The following NR2C2 variants were observed in gnomAD, a reference collection of about 807,000 sequenced individuals.
The protein encoded by NR2C2 is nuclear receptor subfamily 2 group C member 2.
NR2C2 carries 6 observed loss-of-function variants against 62.9 expected under a neutral mutation model. That is an observed-to-expected ratio of 0.10 (90% CI 0.05 to 0.19). The LOEUF (loss-of-function observed/expected upper bound fraction) is 0.19. NR2C2 is among the 10% of genes least tolerant of loss of function. NR2C2 has a pLI of 1.00. For synonymous variants in NR2C2, 272 were observed against 273.8 expected (o/e 0.99, Z 0.07); for missense variants, 479 against 762.7 (o/e 0.63, Z 4.38).
chr3:14,988,159 C>T (rs182918582), intron 1 of NR2C2, among the ~76,000 whole-genome samples: 15 of 152,352 alleles, frequency 9.8e-5, no homozygotes, highest in Non-Finnish European at 1.6e-4. Context: ...CAGCTTGGAA[C>T]AACACCCAGA....
chr3:15,018,723 T>TA (rs1218796036), intron 4 of NR2C2, among the ~76,000 whole-genome samples: 1 of 151,994 alleles, frequency 6.6e-6, no homozygotes, highest in Non-Finnish European at 1.5e-5. Context: ...TTTTATGAGA[T>TA]ATATATTTTT....
intron 1 of NR2C2, among the ~76,000 whole-genome samples, chr3:14,999,560 G>C (rs982828749): frequency 6.6e-6 from 1 of 152,064 alleles, no homozygotes; most frequent in African/African-American, 2.4e-5. Flanking sequence ...TTTGCTTTTG[G>C]TGTCATCTAA....
chr3:15,010,968 G>A (rs1441746397), intron 2 of NR2C2, among the ~76,000 whole-genome samples: 1 of 152,180 alleles, frequency 6.6e-6, no homozygotes, highest in Non-Finnish European at 1.5e-5. Flanking sequence ...GTTTTAGTTG[G>A]TAATTGAAGA....
chr3:15,002,392 A>G (rs2041033063), intron 1 of NR2C2, among the ~76,000 whole-genome samples: 1 of 152,050 alleles, frequency 6.6e-6, no homozygotes, highest in South Asian at 2.1e-4. Context: ...TGATTTTCAT[A>G]TTTGAACAAG....
chr3:14,973,048 A>G (rs1478501465), intron 1 of NR2C2, among the ~76,000 whole-genome samples: 8 of 152,204 alleles, frequency 5.3e-5, no homozygotes, highest in Non-Finnish European at 1.2e-4. Flanking sequence ...TCACAGATAT[A>G]TGATTTGCAA....
chr3:14,969,414 TG>T (rs1179076213), intron 1 of NR2C2, among the ~76,000 whole-genome samples: 1 of 152,108 alleles, frequency 6.6e-6, no homozygotes, highest in Non-Finnish European at 1.5e-5. Context: ...AGCTAATTTT[TG>T]TACTTTTAGC....
intron 7 of NR2C2, 124 bp from the exon 8 acceptor site, chr3:15,028,462 C>T (rs115886426): frequency 3.8e-6 from 3 of 780,486 alleles, no homozygotes; most frequent in Non-Finnish European, 6.1e-6. Context: ...CCTCGTGTTG[C>T]CCCTTTGTAG....
At chr3:14,948,033 G>C (rs1012759452) in intron 1 of NR2C2, 127 bp downstream of exon 1, 2 of 152,154 alleles carry the variant, frequency 1.3e-5, no homozygotes, top group East Asian at 1.9e-4. Flanking sequence ...GGGTGGCGGC[G>C]GCGGCGCCCG....
intron 1 of NR2C2, chr3:14,948,728 G>C (rs2039236391): frequency 6.6e-6 from 1 of 152,274 alleles, no homozygotes; most frequent in South Asian, 2.1e-4. Context: ...AGTAATAAAG[G>C]TGATGAAGCA....
intron 9 of NR2C2, 48 bp from the exon 10 acceptor site, chr3:15,032,331 C>G (rs1434562385): frequency 1.2e-6 from 2 of 1,613,466 alleles, no homozygotes; most frequent in South Asian, 2.2e-5. Flanking sequence ...ACAAAGCCAT[C>G]CCCTGTCCTT....
chr3:14,996,023 C>T (rs2040823759), intron 1 of NR2C2, among the ~76,000 whole-genome samples: 1 of 151,974 alleles, frequency 6.6e-6, no homozygotes, highest in Non-Finnish European at 1.5e-5. Flanking sequence ...TGGTTTTTGT[C>T]TTCTTTTCAT....
chr3:14,978,538 G>A (rs1043266248), intron 1 of NR2C2, among the ~76,000 whole-genome samples: 1 of 152,124 alleles, frequency 6.6e-6, no homozygotes, highest in East Asian at 1.9e-4. Context: ...AGGACTGTTC[G>A]TCCATAGGTT....
chr3:14,969,418 CT>C (rs889662666), intron 1 of NR2C2, among the ~76,000 whole-genome samples: 27 of 152,016 alleles, frequency 1.8e-4, no homozygotes, highest in African/African-American at 5.8e-4. Context: ...AATTTTTGTA[CT>C]TTTAGCAGAG....
intron 8 of NR2C2, 57 bp downstream of exon 8, chr3:15,028,776 G>A (rs1228294957): frequency 6.3e-7 from 1 of 1,582,032 alleles, no homozygotes; most frequent in African/African-American, 1.3e-5. Flanking sequence ...TCCCTCTATT[G>A]TGAGGGTGGA....
At chr3:14,969,402 C>T (rs567587610) in intron 1 of NR2C2, among the ~76,000 whole-genome samples, 1 of 152,032 alleles carries the variant, frequency 6.6e-6, no homozygotes, top group African/African-American at 2.4e-5. Context: ...GCCACCACAC[C>T]CAGCTAATTT....
intron 2 of NR2C2, among the ~76,000 whole-genome samples, chr3:15,009,077 C>CG (rs34176577): frequency 0.15 from 22,304 of 152,032 alleles, 1,940 homozygotes; most frequent in Middle Eastern, 0.21. Flanking sequence ...AAAAAATTAG[C>CG]GGGGCATGGT....
Position 15,024,142 on chromosome 3 carries a change from G to T in NR2C2, c.732G>T (p.Met244Ile). The change falls in exon 7 of 14, where the codon ATG becomes ATT. Residue 244 changes from methionine (M) to isoleucine (I), a missense_variant. Met to Ile is a conservative substitution (Grantham distance 10). This residue lies in a region of NR2C2 where 151 missense variants were observed against 176.1 expected (regional missense o/e 0.86). Coordinates refer to ENST00000425241, the MANE Select transcript of NR2C2 (RefSeq NM_001291694.2). Reference sequence around the variant, plus strand: ...AAACAGGTCTTCTTGATCCAGGGATGCTTGTGAACATCCAGCAGCCTTTGA... The same window carrying T: ...AAACAGGTCTTCTTGATCCAGGGATTCTTGTGAACATCCAGCAGCCTTTGA... ...ARQTGLLDPG[M>I]LVNIQQPLIR... is the part of the protein sequence containing the mutation. 3 of 1,612,924 alleles carry T rather than the reference G, an allele frequency of 1.9e-6. No individual in the cohort carries two copies. Among genetic ancestry groups the T allele is most frequent in the Non-Finnish European group, 1.7e-6 (2 of 1,179,488 alleles).
chr3:14,958,121 C>T (rs989996175), intron 1 of NR2C2, among the ~76,000 whole-genome samples: 1 of 152,210 alleles, frequency 6.6e-6, no homozygotes, highest in Admixed American at 6.5e-5. Context: ...AATGTGTCTT[C>T]CCCTGGGACA....
intron 1 of NR2C2, among the ~76,000 whole-genome samples, chr3:14,989,952 A>C (rs1245117055): frequency 2.1e-5 from 3 of 140,076 alleles, no homozygotes; most frequent in Admixed American, 7.0e-5. Flanking sequence ...AAAAAAAAAA[A>C]ATTACTGGGT....
Sources: gnomAD v4.1 joint callset for allele counts (sites outside exome capture counted in the v4.1 genomes callset) on GRCh38, gnomAD v4.1.1 for gene constraint, gnomAD v4.1.1 regional missense constraint, MANE v1.5 for transcripts, NCBI Gene and HGNC (gene_info 2026-07-23, HGNC 2026-07-21) for gene names.